HAPSTR1: variants seen among roughly 807,000 people sequenced by gnomAD.
HAPSTR1 encodes HUWE1-associated protein modifying stress responses 1.
the HAPSTR1 span, among the ~76,000 whole-genome samples, chr16:9,100,113 G>A: frequency 1.3e-5 from 2 of 152,174 alleles, no homozygotes; most frequent in African/African-American, 4.8e-5. Flanking sequence ...GGACCTTCTA[G>A]TCTGTAAGGG....
the HAPSTR1 span, chr16:9,112,227 G>A: frequency 6.6e-6 from 1 of 152,196 alleles, no homozygotes; most frequent in African/African-American, 2.4e-5. Flanking sequence ...GTGCTTGGAT[G>A]TCCTGGCACC....
chr16:9,109,927 A>T, the HAPSTR1 span: 1 of 152,120 alleles, frequency 6.6e-6, no homozygotes, highest in Non-Finnish European at 1.5e-5. Context: ...GTTATTCTGC[A>T]GCCTTTACTA....
chr16:9,121,326 A>G, the HAPSTR1 span: 1 of 152,256 alleles, frequency 6.6e-6, no homozygotes, highest in Admixed American at 6.5e-5. Context: ...TCTATAAAAT[A>G]CTGATGGGTC....
the HAPSTR1 span, among the ~76,000 whole-genome samples, chr16:9,101,253 AGTG>A: frequency 1.3e-5 from 2 of 152,314 alleles, no homozygotes; most frequent in African/African-American, 4.8e-5. Flanking sequence ...AGATGGGAAA[AGTG>A]GTGACCCTCT....
At chr16:9,106,031 A>G in the HAPSTR1 span, 5 of 152,210 alleles carry the variant, frequency 3.3e-5, no homozygotes, top group East Asian at 3.8e-4. Flanking sequence ...GAGTATGACA[A>G]TGAATGAGAT....
the HAPSTR1 span, chr16:9,093,137 G>C: frequency 1.0e-5 from 9 of 890,948 alleles, no homozygotes; most frequent in African/African-American, 1.7e-5. Context: ...GAGAATCGCG[G>C]CGGTGCTCTA....
the HAPSTR1 span, chr16:9,093,012 C>T: frequency 6.4e-4 from 1,023 of 1,605,494 alleles, 7 homozygotes; most frequent in South Asian, 0.011. Flanking sequence ...GTAAAGATAA[C>T]CTTGCTGCAT....
chr16:9,095,693 A>G, the HAPSTR1 span, among the ~76,000 whole-genome samples: 6 of 151,486 alleles, frequency 4.0e-5, no homozygotes, highest in African/African-American at 1.5e-4. Context: ...AGGGCTTTTG[A>G]AAAGTTGAAA....
At chr16:9,118,378 C>T in the HAPSTR1 span, 2 of 152,716 alleles carry the variant, frequency 1.3e-5, no homozygotes, top group Admixed American at 6.5e-5. Context: ...TTTGCAATTT[C>T]TTCAGCCATT....
the HAPSTR1 span, among the ~76,000 whole-genome samples, chr16:9,114,169 G>A: frequency 7.2e-5 from 11 of 151,978 alleles, no homozygotes; most frequent in Non-Finnish European, 1.5e-4. Context: ...AGGAAGTGAA[G>A]TTCCTTTTTG....
chr16:9,108,955 C>T, the HAPSTR1 span: 3 of 152,148 alleles, frequency 2.0e-5, no homozygotes, highest in Admixed American at 2.0e-4. Context: ...TGGGTACCCT[C>T]ATTTCCCCTG....
At chr16:9,116,136 G>A in the HAPSTR1 span, among the ~76,000 whole-genome samples, 2 of 152,068 alleles carry the variant, frequency 1.3e-5, no homozygotes, top group East Asian at 3.9e-4. Flanking sequence ...GACTCTTTTC[G>A]GGCTCAACAG....
the HAPSTR1 span, chr16:9,117,046 C>T: frequency 5.2e-6 from 7 of 1,334,910 alleles, no homozygotes; most frequent in Non-Finnish European, 7.1e-6. Context: ...ATAGTGGTTG[C>T]CATAAAAGGA....
At chr16:9,093,074 AGT>A in the HAPSTR1 span, 6 of 1,428,982 alleles carry the variant, frequency 4.2e-6, no homozygotes, top group Non-Finnish European at 5.8e-6. Context: ...CTGCGTTCCA[AGT>A]GTGTTTTCTG....
the HAPSTR1 span, among the ~76,000 whole-genome samples, chr16:9,094,529 C>A: frequency 1.3e-5 from 2 of 151,940 alleles, no homozygotes; most frequent in African/African-American, 4.8e-5. Flanking sequence ...TCACCCCCAC[C>A]TCCCAGTCCC....
chr16:9,094,435 T>G, the HAPSTR1 span, among the ~76,000 whole-genome samples: 1 of 152,202 alleles, frequency 6.6e-6, no homozygotes, highest in African/African-American at 2.4e-5. Context: ...AAAAGGTTTC[T>G]GGGAGTGTAA....
At chr16:9,100,541 C>CT in the HAPSTR1 span, among the ~76,000 whole-genome samples, 750 of 148,276 alleles carry the variant, frequency 5.1e-3, 5 homozygotes, top group African/African-American at 0.017. Flanking sequence ...CTTACTTCAT[C>CT]TTTTTTTTTT....
At chr16:9,109,843 A>C in the HAPSTR1 span, 1 of 152,128 alleles carries the variant, frequency 6.6e-6, no homozygotes, top group African/African-American at 2.4e-5. Flanking sequence ...GCAGCTCCTT[A>C]GTGTTGATTG....
chr16:9,095,350 T>G, the HAPSTR1 span, among the ~76,000 whole-genome samples: 1 of 152,302 alleles, frequency 6.6e-6, no homozygotes, highest in African/African-American at 2.4e-5. Context: ...CCAATAAAAT[T>G]AGCAAGGTGG....
Sources: gnomAD v4.1 joint callset for allele counts (sites outside exome capture counted in the v4.1 genomes callset) on GRCh38, gnomAD v4.1.1 for gene constraint, MANE v1.5 for transcripts, NCBI Gene and HGNC (gene_info 2026-07-23, HGNC 2026-07-21) for gene names.